Variants in IMMP2L observed in about 807,000 individuals in gnomAD.
The protein encoded by IMMP2L is inner mitochondrial membrane peptidase subunit 2, also known as mitochondrial inner membrane protease subunit 2.
IMMP2L carries 18 observed loss-of-function variants against 19.3 expected under a neutral mutation model. The observed-to-expected ratio is 0.93, with a 90% CI of 0.64 to 1.38. The LOEUF (loss-of-function observed/expected upper bound fraction) is 1.38. Ranked by LOEUF, IMMP2L falls within the 40% of genes most tolerant of loss-of-function variation. The pLI, the probability that IMMP2L is intolerant of heterozygous loss-of-function variation, is 0.00. For synonymous variants in IMMP2L, 76 were observed against 73.0 expected (o/e 1.04, Z -0.21); for missense variants, 233 against 218.2 (o/e 1.07, Z -0.43).
intron 3 of IMMP2L, among the ~76,000 whole-genome samples, chr7:111,394,159 T>A (rs542750980): frequency 2.8e-4 from 43 of 152,200 alleles, no homozygotes; most frequent in Admixed American, 1.6e-3. Flanking sequence ...ATATTTTTGA[T>A]AAAGTACATG....
chr7:111,123,049 A>C lies in IMMP2L; in HGVS notation c.240-159484T>G. On this transcript the variant is annotated intron_variant, in intron 3 of 5. Transcript: ENST00000405709. The surrounding 1 kb of genome is among the most constrained non-coding windows in gnomAD (Gnocchi z 6.4). ...TGAATACTCCACAGACTTTCCAGTAAACCTTACTGGCCTGGATTTATCTCA... is the reference window on the plus strand; with the variant it reads ...TGAATACTCCACAGACTTTCCAGTACACCTTACTGGCCTGGATTTATCTCA... The C allele has an allele frequency of 6.2e-7, 1 of 1,613,926 alleles. No homozygotes were observed. Among genetic ancestry groups the C allele is most frequent in the Non-Finnish European group, 8.5e-7 (1 of 1,179,970 alleles).
chr7:110,920,009 A>T (rs1015846470), intron 4 of IMMP2L, among the ~76,000 whole-genome samples: 1 of 152,188 alleles, frequency 6.6e-6, no homozygotes, highest in Non-Finnish European at 1.5e-5. Flanking sequence ...GCCTTCAAAC[A>T]TCAGACTCCA....
chr7:110,929,334 T>C (rs1233469352), intron 4 of IMMP2L, among the ~76,000 whole-genome samples: 3 of 152,120 alleles, frequency 2.0e-5, no homozygotes, highest in Non-Finnish European at 4.4e-5. Context: ...GTACACAGAA[T>C]TAAGTAACAC....
chr7:111,139,119 A>G (rs1254079299), intron 3 of IMMP2L, among the ~76,000 whole-genome samples: 5 of 151,996 alleles, frequency 3.3e-5, no homozygotes, highest in Admixed American at 3.3e-4. Context: ...TATTTCACCA[A>G]AAAAAAGGAA....
intron 3 of IMMP2L, among the ~76,000 whole-genome samples, chr7:111,191,431 T>TACAC (rs57414194): frequency 0.045 from 6,566 of 146,658 alleles, 255 homozygotes; most frequent in African/African-American, 0.096. Flanking sequence ...GCTGCTCAAA[T>TACAC]ACACACACAC....
chr7:111,193,036 A>T (rs776340423), intron 3 of IMMP2L, among the ~76,000 whole-genome samples: 1 of 152,146 alleles, frequency 6.6e-6, no homozygotes, highest in Non-Finnish European at 1.5e-5. Context: ...CAGTGGACAG[A>T]GAATTACTAA....
chr7:110,735,681 TACACACACAC>T lies in IMMP2L; in HGVS notation c.409-71970_409-71961del, dbSNP rs3051068. ...TATATATATATATATAGTAGACAAA[TACACACACAC>T]ACACACACACACACACACACACACA... On this transcript the variant is annotated intron_variant, in intron 5 of 5. Transcript: ENST00000405709. 2.9e-3 allele frequency among the ~76,000 whole-genome samples: 331 copies of T among 114,786 alleles called. 3 individuals carry two copies. Among genetic ancestry groups the T allele is most frequent in the African/African-American group, 9.2e-3 (270 of 29,398 alleles). The allele number at this position is 114,786 out of a possible 152,430, so 75.3% of individuals were successfully genotyped here.
chr7:111,184,162 G>T (rs1234772066), intron 3 of IMMP2L, among the ~76,000 whole-genome samples: 2 of 151,850 alleles, frequency 1.3e-5, no homozygotes, highest in African/African-American at 4.8e-5. Context: ...CAGCTATGAA[G>T]AATCAAAGAA....
At chr7:111,019,042 T>C (rs1826014248) in intron 3 of IMMP2L, among the ~76,000 whole-genome samples, 1 of 152,044 alleles carries the variant, frequency 6.6e-6, no homozygotes, top group South Asian at 2.1e-4. Flanking sequence ...TAATGACTAG[T>C]TATTCCATAC....
At chr7:111,552,455 T>C (rs1790780430) in intron 1 of IMMP2L, among the ~76,000 whole-genome samples, 1 of 152,056 alleles carries the variant, frequency 6.6e-6, no homozygotes, top group African/African-American at 2.4e-5. Flanking sequence ...ACCCGGCTAA[T>C]TTTTGTATTT....
chr7:111,485,464 G>C (rs908339205), intron 3 of IMMP2L, among the ~76,000 whole-genome samples: 3 of 151,800 alleles, frequency 2.0e-5, no homozygotes, highest in Non-Finnish European at 2.9e-5. Flanking sequence ...TGGGCGTGGT[G>C]GTGGGCCCCT....
intron 3 of IMMP2L, among the ~76,000 whole-genome samples, chr7:110,989,619 C>T (rs1280453601): frequency 1.3e-5 from 2 of 149,378 alleles, no homozygotes; most frequent in South Asian, 2.1e-4. Flanking sequence ...GGGCAATTCT[C>T]GTTTTTGAAA....
At chr7:111,124,852 C>T (rs769476294) in intron 3 of IMMP2L, 1 of 1,609,986 alleles carries the variant, frequency 6.2e-7, no homozygotes, top group South Asian at 1.1e-5. Flanking sequence ...AAGTACATCA[C>T]TGAAAGTAAA....
intron 5 of IMMP2L, among the ~76,000 whole-genome samples, chr7:110,863,755 T>C (rs1807696713): frequency 6.6e-6 from 1 of 152,140 alleles, no homozygotes; most frequent in Non-Finnish European, 1.5e-5. Flanking sequence ...AAGTTCAATG[T>C]TTGGTAGGTT....
At chr7:110,690,836 G>A (rs1793442600) in intron 5 of IMMP2L, among the ~76,000 whole-genome samples, 1 of 151,866 alleles carries the variant, frequency 6.6e-6, no homozygotes, top group South Asian at 2.1e-4. Context: ...CAAACAAATG[G>A]AAATACATTT....
rs554485756 is a variant in IMMP2L at position 111,054,006 on chromosome 7, G to C, written c.240-90441C>G. ...TTAGATTTATATGAATCATTACCAT[G>C]AGAAGAATCAATGAATTGGTAATTT... On this transcript the variant is annotated intron_variant, in intron 3 of 5. Transcript: ENST00000405709. Among the ~76,000 whole-genome samples, 15 of 151,358 alleles carry C rather than the reference G, an allele frequency of 9.9e-5. No homozygotes were observed. The East Asian group carries it at 2.9e-3, about 30-fold the overall frequency.
chr7:111,074,564 C>A (rs1437118407), intron 3 of IMMP2L, among the ~76,000 whole-genome samples: 1 of 152,122 alleles, frequency 6.6e-6, no homozygotes, highest in Non-Finnish European at 1.5e-5. Context: ...AACTAGAATT[C>A]TCTGAACAAT....
intron 3 of IMMP2L, among the ~76,000 whole-genome samples, chr7:111,241,042 C>A (rs1218710388): frequency 6.6e-6 from 1 of 151,806 alleles, no homozygotes; most frequent in Non-Finnish European, 1.5e-5. Context: ...ATGGCCGTAT[C>A]CTTCTCGGAA....
At chr7:111,193,740 A>T (rs953216835) in intron 3 of IMMP2L, among the ~76,000 whole-genome samples, 2 of 152,184 alleles carry the variant, frequency 1.3e-5, no homozygotes, top group Non-Finnish European at 2.9e-5. Flanking sequence ...ACATATTTTA[A>T]TTGATATACC....
Sources: allele counts gnomAD v4.1 joint callset (sites outside exome capture counted in the v4.1 genomes callset), GRCh38; gene constraint gnomAD v4.1.1; non-coding constraint Gnocchi (gnomAD v3.1); transcripts MANE v1.5; gene names NCBI Gene and HGNC (gene_info 2026-07-23, HGNC 2026-07-21).